The following SEMA6D variants were observed in gnomAD, a reference collection of about 807,000 sequenced individuals.
SEMA6D encodes semaphorin-6D.
A neutral mutation model predicts 106.6 loss-of-function variants in SEMA6D; 35 were observed. That is an observed-to-expected ratio of 0.33 (90% CI 0.25 to 0.44). The LOEUF (loss-of-function observed/expected upper bound fraction) is 0.44. Ranked by LOEUF, SEMA6D falls within the 20% of genes least tolerant of loss-of-function variation. The pLI is 1.00. For synonymous variants in SEMA6D, 499 were observed against 487.7 expected (o/e 1.02, Z -0.31); for missense variants, 1,185 against 1,345.9 (o/e 0.88, Z 1.87).
At chr15:47,346,292 G>T (rs904719389) in intron 1 of SEMA6D, among the ~76,000 whole-genome samples, 6 of 152,174 alleles carry the variant, frequency 3.9e-5, no homozygotes, top group Non-Finnish European at 8.8e-5. Flanking sequence ...GAAAATGGAG[G>T]CTTGGAAGGC....
At chr15:47,492,954 G>T (rs1435215062) in intron 3 of SEMA6D, among the ~76,000 whole-genome samples, 1 of 151,960 alleles carries the variant, frequency 6.6e-6, no homozygotes, top group Non-Finnish European at 1.5e-5. Flanking sequence ...CGTTACCAAG[G>T]TCCTCTGAGC....
intron 1 of SEMA6D, among the ~76,000 whole-genome samples, chr15:47,268,670 C>T (rs893147881): frequency 6.6e-6 from 1 of 152,150 alleles, no homozygotes; most frequent in Non-Finnish European, 1.5e-5. Context: ...ACATATTGTT[C>T]CTTTCCTTAT....
In SEMA6D at chr15:47,519,322, T is replaced by G. The variant is rs143983820; in HGVS notation, c.-87+48777T>G. Among the ~76,000 whole-genome samples the G allele has an allele frequency of 5.2e-3, 786 of 152,302 alleles. 5 individuals carry two copies. Among genetic ancestry groups the G allele is most frequent in the African/African-American group, 0.018 (749 of 41,568 alleles). ...AGTAATGCGTTGCAATACGACATTT[T>G]GATAGCCAGGGCATCACTAGGTAAC... is the stretch of plus-strand genomic sequence containing the variant. On this transcript the variant is annotated intron_variant, in intron 3 of 19. Transcript: ENST00000558014.
chr15:47,581,266 C>A (rs562960243), intron 3 of SEMA6D: 1 of 430,268 alleles, frequency 2.3e-6, no homozygotes, highest in East Asian at 7.5e-5. Context: ...ACCCTATTTT[C>A]TCCATAAGTC....
At chr15:47,274,013 G>A (rs145913454) in intron 1 of SEMA6D, among the ~76,000 whole-genome samples, 17 of 152,202 alleles carry the variant, frequency 1.1e-4, no homozygotes, top group African/African-American at 4.1e-4. Flanking sequence ...GTAGAGCTTG[G>A]GGGTATGGAC....
intron 1 of SEMA6D, among the ~76,000 whole-genome samples, chr15:47,332,807 C>G (rs188678186): frequency 3.3e-5 from 5 of 152,078 alleles, no homozygotes; most frequent in African/African-American, 9.7e-5. Context: ...GATTAAGACC[C>G]TAAATGGGAG....
At chr15:47,612,981 A>C (rs926783443) in intron 4 of SEMA6D, among the ~76,000 whole-genome samples, 6 of 152,218 alleles carry the variant, frequency 3.9e-5, no homozygotes, top group Non-Finnish European at 7.3e-5. Flanking sequence ...AAATGTTTTT[A>C]TGAAAAACAT....
At chr15:47,361,437 C>T (rs931773120) in intron 1 of SEMA6D, among the ~76,000 whole-genome samples, 2 of 152,190 alleles carry the variant, frequency 1.3e-5, no homozygotes, top group African/African-American at 4.8e-5. Context: ...TCAGCGCTGA[C>T]AATGATTTCT....
chr15:47,414,312 A>G (rs1171968077), intron 2 of SEMA6D, among the ~76,000 whole-genome samples: 2 of 152,208 alleles, frequency 1.3e-5, no homozygotes, highest in African/African-American at 2.4e-5. Context: ...ACTTCTATAC[A>G]TAAGTCGTGG....
chr15:47,214,265 C>T (rs1385002393), intron 1 of SEMA6D, among the ~76,000 whole-genome samples: 1 of 152,022 alleles, frequency 6.6e-6, no homozygotes, highest in Non-Finnish European at 1.5e-5. Context: ...CAAGGTGATA[C>T]AGGGTCAAGG....
Position 47,767,276 on chromosome 15 carries a change from T to TC in SEMA6D, c.1765+183_1765+184insC, listed in dbSNP as rs2082395429. The TC allele has an allele frequency of 8.4e-6, 4 of 477,596 alleles. No homozygotes were observed. In the Admixed American group the frequency reaches 1.2e-4, roughly 14 times the overall value. The allele number at this position is 477,596 out of a possible 1,614,324, so 29.6% of individuals were successfully genotyped here. A position where few individuals can be genotyped will look rare whatever the true frequency, so the allele number is the denominator to read the frequency against. ...GAGCACTTCACCCTTGTTTATAGCA[T>TC]GTTAACACTTCATCATTGACCAAGC... On this transcript the variant is annotated intron_variant, in intron 17 of 18. Coordinates refer to ENST00000536845, the MANE Select transcript of SEMA6D (RefSeq NM_001358351.3).
intron 1 of SEMA6D, among the ~76,000 whole-genome samples, chr15:47,218,323 T>C (rs762560512): frequency 2.0e-5 from 3 of 152,194 alleles, no homozygotes; most frequent in Non-Finnish European, 4.4e-5. Context: ...TCTTCATTTG[T>C]CTGTCTCTTC....
At chr15:47,459,974 A>C (rs1404438462) in intron 2 of SEMA6D, among the ~76,000 whole-genome samples, 2 of 152,056 alleles carry the variant, frequency 1.3e-5, no homozygotes, top group Admixed American at 1.3e-4. Flanking sequence ...TTGACCTTTT[A>C]AGCTCTTTAG....
At chr15:47,610,241 G>T (rs1365044102) in intron 4 of SEMA6D, among the ~76,000 whole-genome samples, 1 of 152,182 alleles carries the variant, frequency 6.6e-6, no homozygotes, top group Admixed American at 6.5e-5. Context: ...CAATGCCTAG[G>T]AAACGTATAT....
At chr15:47,224,864 T>G (rs1352865486) in intron 1 of SEMA6D, among the ~76,000 whole-genome samples, 2 of 151,890 alleles carry the variant, frequency 1.3e-5, no homozygotes, top group Admixed American at 6.6e-5. Context: ...TTCCCTAACT[T>G]CTACTTGGTT....
At chr15:47,565,969 G>A (rs558236090) in intron 3 of SEMA6D, among the ~76,000 whole-genome samples, 11 of 151,998 alleles carry the variant, frequency 7.2e-5, no homozygotes, top group East Asian at 3.9e-4. Context: ...TTTAAACATC[G>A]CAAAACCCCA....
chr15:47,658,524 T>G (rs544634222), intron 4 of SEMA6D, among the ~76,000 whole-genome samples: 115 of 152,294 alleles, frequency 7.6e-4, no homozygotes, highest in African/African-American at 2.7e-3. Context: ...CCCCTGAATT[T>G]AAGTTTCAAG....
At chr15:47,614,308 TAGG>T (rs2076967412) in intron 4 of SEMA6D, among the ~76,000 whole-genome samples, 1 of 152,184 alleles carries the variant, frequency 6.6e-6, no homozygotes, top group Admixed American at 6.5e-5. Context: ...GCAGCACACT[TAGG>T]AGTTTTGTCA....
Position 47,692,957 on chromosome 15 carries a change from C to G in SEMA6D, c.-54-66788C>G, listed in dbSNP as rs568892626. 2.0e-5 allele frequency among the ~76,000 whole-genome samples: 3 copies of G among 152,190 alleles called. No homozygotes were observed. In the South Asian group the frequency reaches 6.2e-4, roughly 32 times the overall value. The stretch of plus-strand genomic sequence containing the variant: ...TCTTACAAAAAGGAGTAGAGAGTAT[C>G]CCTCTCCCACCCTCAAATATTTTCA... On this transcript the variant is annotated intron_variant, in intron 4 of 19. Coordinates refer to the SEMA6D transcript ENST00000558014.
Sources: allele counts gnomAD v4.1 joint callset (sites outside exome capture counted in the v4.1 genomes callset), GRCh38; gene constraint gnomAD v4.1.1; transcripts MANE v1.5; gene names NCBI Gene and HGNC (gene_info 2026-07-23, HGNC 2026-07-21).